The following PCBP3 variants were observed in gnomAD, a reference collection of about 807,000 sequenced individuals.
The protein encoded by PCBP3 is poly(rC)-binding protein 3.
A neutral mutation model predicts 52.7 loss-of-function variants in PCBP3; 25 were observed. The ratio of observed to expected loss-of-function variants is 0.47; its 90% CI spans 0.35 to 0.66. The LOEUF is 0.66. PCBP3 is among the 30% of genes least tolerant of loss of function. PCBP3 has a pLI of 0.01. For missense variants in PCBP3, 391 were observed against 490.3 expected (o/e 0.80, Z 1.91); for synonymous variants, 162 against 183.0 (o/e 0.89, Z 0.93).
chr21:45,658,637 C>T (rs2080179410), intron 1 of PCBP3, among the ~76,000 whole-genome samples: 1 of 152,084 alleles, frequency 6.6e-6, no homozygotes, highest in Admixed American at 6.6e-5. Flanking sequence ...ATTCTTAAGA[C>T]ATGTTAATCT....
At chr21:45,820,139 C>T (rs773288005) in intron 4 of PCBP3, among the ~76,000 whole-genome samples, 8 of 152,250 alleles carry the variant, frequency 5.3e-5, no homozygotes, top group East Asian at 1.9e-4. Context: ...AAGGGAGTGG[C>T]GCTGGCCTTT....
intron 4 of PCBP3, among the ~76,000 whole-genome samples, chr21:45,779,011 G>A (rs1293141164): frequency 6.6e-6 from 1 of 152,220 alleles, no homozygotes; most frequent in South Asian, 2.1e-4. Context: ...AGCCCTGGTG[G>A]CAGTAGGCTG....
At chr21:45,762,481 C>CTTCTCTTT (rs1440812461) in intron 4 of PCBP3, 14 of 106,050 alleles carry the variant, frequency 1.3e-4, no homozygotes, top group African/African-American at 4.4e-4. Flanking sequence ...TTTTTCTTTT[C>CTTCTCTTT]TTTTCTTCTC....
rs1385273141 is a variant in PCBP3 at position 45,643,846 on chromosome 21, G to C, written c.-301G>C. The C allele has an allele frequency of 2.7e-5, 4 of 148,690 alleles. No individual in the cohort carries two copies. The highest frequency in any genetic ancestry group is 9.7e-5 in the African/African-American group (4 of 41,080). The allele number at this position is 148,690 out of a possible 1,614,324, so 9.2% of individuals were successfully genotyped here. Reference sequence around the variant, plus strand: ...CCGGCCTCTCCCCGCCGGCCCGCGGGCTCGCCGTCCGGCGCAGGGCAGGTG... The same window carrying C: ...CCGGCCTCTCCCCGCCGGCCCGCGGCCTCGCCGTCCGGCGCAGGGCAGGTG... On this transcript the variant is annotated 5_prime_UTR_variant, in exon 1 of 18. Coordinates refer to ENST00000681687, the MANE Select transcript of PCBP3 (RefSeq NM_001384156.1).
chr21:45,753,637 C>A (rs1048717663), intron 3 of PCBP3, among the ~76,000 whole-genome samples: 5 of 152,026 alleles, frequency 3.3e-5, no homozygotes, highest in Non-Finnish European at 7.4e-5. Flanking sequence ...TCCTTCCCTT[C>A]TTTTGATTGA....
At chr21:45,900,738 G>T in intron 8 of PCBP3, 115 bp downstream of exon 8, 3 of 882,586 alleles carry the variant, frequency 3.4e-6, no homozygotes, top group South Asian at 1.4e-5. Flanking sequence ...GGGGTGTGTG[G>T]GGAGTGCAGT....
At chr21:45,661,796 C>A (rs1006299463) in intron 1 of PCBP3, among the ~76,000 whole-genome samples, 2 of 152,130 alleles carry the variant, frequency 1.3e-5, no homozygotes, top group African/African-American at 4.8e-5. Flanking sequence ...GCATACTTGC[C>A]AACATCTGTC....
At chr21:45,683,878 A>G (rs530664561) in intron 2 of PCBP3, among the ~76,000 whole-genome samples, 2 of 152,002 alleles carry the variant, frequency 1.3e-5, no homozygotes, top group East Asian at 3.9e-4. Context: ...GTGAGCCGAG[A>G]TCGTGCCACT....
At chr21:45,855,654 T>G (rs1458658344) in intron 5 of PCBP3, among the ~76,000 whole-genome samples, 1 of 152,270 alleles carries the variant, frequency 6.6e-6, no homozygotes. Context: ...CCCGCCACCC[T>G]AGGTCTGTGC....
intron 7 of PCBP3, 147 bp downstream of exon 7, chr21:45,899,769 G>A: frequency 1.6e-6 from 1 of 643,916 alleles, no homozygotes; most frequent in South Asian, 1.8e-5. Context: ...CAGGACCCCA[G>A]AGGTGTCGCC....
chr21:45,745,233 G>A (rs922732047), intron 3 of PCBP3, among the ~76,000 whole-genome samples: 1 of 152,196 alleles, frequency 6.6e-6, no homozygotes, highest in Non-Finnish European at 1.5e-5. Flanking sequence ...TGGAATCCTG[G>A]CTCACAGCTG....
At chr21:45,843,944 G>A (rs2093751367) in intron 4 of PCBP3, among the ~76,000 whole-genome samples, 1 of 152,024 alleles carries the variant, frequency 6.6e-6, no homozygotes, top group South Asian at 2.1e-4. Context: ...GGGTATACTT[G>A]TGTGAACTGT....
At chr21:45,824,231 C>A (rs550023029) in intron 4 of PCBP3, among the ~76,000 whole-genome samples, 5 of 152,306 alleles carry the variant, frequency 3.3e-5, no homozygotes, top group African/African-American at 1.2e-4. Flanking sequence ...ACACTCAGGA[C>A]AAGTCTAAGG....
chr21:45,831,836 G>A (rs915421681), intron 4 of PCBP3, among the ~76,000 whole-genome samples: 2 of 152,178 alleles, frequency 1.3e-5, no homozygotes, highest in African/African-American at 4.8e-5. Context: ...TCAGCCTCCT[G>A]AGTAGCTGGG....
chr21:45,705,259 T>C (rs1173422148), intron 2 of PCBP3, among the ~76,000 whole-genome samples: 7 of 152,226 alleles, frequency 4.6e-5, no homozygotes, highest in African/African-American at 1.7e-4. Context: ...TGTTGCTGTT[T>C]GTACTTATCC....
intron 3 of PCBP3, among the ~76,000 whole-genome samples, chr21:45,752,011 G>A (rs2087558844): frequency 6.6e-6 from 1 of 151,866 alleles, no homozygotes; most frequent in East Asian, 1.9e-4. Context: ...TTATTTATTG[G>A]TATCTTAGAG....
chr21:45,906,940 G>A (rs974912797), intron 9 of PCBP3, among the ~76,000 whole-genome samples: 6 of 152,208 alleles, frequency 3.9e-5, no homozygotes, highest in African/African-American at 1.4e-4. Context: ...TGAGGAGGAG[G>A]ATGACGTGAG....
intron 4 of PCBP3, among the ~76,000 whole-genome samples, chr21:45,789,286 C>T (rs772670732): frequency 3.3e-5 from 5 of 152,128 alleles, no homozygotes; most frequent in Admixed American, 1.3e-4. Context: ...TGATTGTGCA[C>T]GTAGTGTACC....
At chr21:45,814,367 AGTGAGTG>A (rs1222561222) in intron 4 of PCBP3, among the ~76,000 whole-genome samples, 2 of 134,526 alleles carry the variant, frequency 1.5e-5, no homozygotes, top group African/African-American at 5.8e-5. Context: ...AATAGTGAGT[AGTGAGTG>A]GTGGGTGAGT....
Sources: gnomAD v4.1 joint callset for allele counts (sites outside exome capture counted in the v4.1 genomes callset) on GRCh38, gnomAD v4.1.1 for gene constraint, MANE v1.5 for transcripts, NCBI Gene and HGNC (gene_info 2026-07-23, HGNC 2026-07-21) for gene names.